The following SCN8A variants were observed in gnomAD, a reference collection of about 807,000 sequenced individuals.
SCN8A encodes the protein sodium voltage-gated channel alpha subunit 8.
In SCN8A, 30 loss-of-function variants were observed where a neutral mutation model predicts 184.1. That is an observed-to-expected ratio of 0.16 (90% CI 0.12 to 0.22). SCN8A has a LOEUF of 0.22. Ranked by LOEUF, SCN8A falls within the 10% of genes least tolerant of loss-of-function variation. The pLI, the probability that SCN8A is intolerant of heterozygous loss-of-function variation, is 1.00. For synonymous variants in SCN8A, 852 were observed against 907.0 expected, an observed-to-expected ratio of 0.94 and a Z score of 1.09; for missense variants, 1,057 against 2,498.9, an observed-to-expected ratio of 0.42 and a Z score of 12.30.
intron 1 of SCN8A, among the ~76,000 whole-genome samples, chr12:51,614,078 G>A (rs1055683538): frequency 6.6e-6 from 1 of 152,052 alleles, no homozygotes; most frequent in Non-Finnish European, 1.5e-5. Context: ...TGATGGTGGT[G>A]TTTAGTTTCT....
At chr12:51,674,810 T>G (rs533333079) in intron 2 of SCN8A, among the ~76,000 whole-genome samples, 1 of 152,332 alleles carries the variant, frequency 6.6e-6, no homozygotes, top group East Asian at 1.9e-4. Flanking sequence ...TATAACAACC[T>G]GATAAAATTG....
intron 6 of SCN8A, among the ~76,000 whole-genome samples, chr12:51,692,204 G>A (rs902501144): frequency 6.6e-6 from 1 of 152,162 alleles, no homozygotes; most frequent in South Asian, 2.1e-4. Context: ...CCTGGAGCCT[G>A]CAAGGTCTCA....
At chr12:51,789,587 C>T (rs1429435674) in intron 24 of SCN8A, among the ~76,000 whole-genome samples, 169 bp downstream of exon 24, 4 of 152,118 alleles carry the variant, frequency 2.6e-5, no homozygotes, top group East Asian at 3.9e-4. Context: ...TCTTTCTGTT[C>T]GGGGCTGGAT....
intron 12 of SCN8A, among the ~76,000 whole-genome samples, chr12:51,736,797 T>G (rs1003310664): frequency 3.3e-5 from 5 of 152,228 alleles, no homozygotes; most frequent in Admixed American, 3.3e-4. Context: ...GAACCACATA[T>G]GAAGAATCAG....
chr12:51,684,258 A>G lies in SCN8A; in HGVS notation c.361A>G (p.Ile121Val). 6.3e-7 allele frequency: 1 copy of G among 1,598,072 alleles called. No homozygotes were observed. Among genetic ancestry groups the G allele is most frequent in the Non-Finnish European group, 8.6e-7 (1 of 1,165,400 alleles). ...GTACATTTTAAGTCCTTTTAACCTG[A>G]TAAGAAGAATAGCTATTAAAATTTT... is the stretch of plus-strand genomic sequence containing the variant. The part of the protein sequence containing the change: ...ALYILSPFNL[I>V]RRIAIKILIH... The change falls in exon 3 of 27, where the codon ATA (isoleucine) becomes GTA (valine). Residue 121 changes from isoleucine to valine, a missense_variant. Physicochemically the swap from Ile to Val is conservative, Grantham distance 29. Around this residue, in one of 19 missense-constraint regions of SCN8A, gnomAD observed 66 missense variants for 276.4 expected, o/e 0.24. Transcript: ENST00000627620.
intron 1 of SCN8A, among the ~76,000 whole-genome samples, chr12:51,615,364 G>A (rs1002491872): frequency 1.3e-5 from 2 of 152,104 alleles, no homozygotes. Context: ...AGACTAGCCT[G>A]AGCAACATGG....
At chr12:51,722,062 C>G in intron 12 of SCN8A, 154 bp downstream of exon 12, 5 of 1,188,856 alleles carry the variant, frequency 4.2e-6, no homozygotes, top group Non-Finnish European at 6.0e-6. Context: ...TGTTAACACC[C>G]CAGCCATTTC....
chr12:51,770,075 C>A, intron 18 of SCN8A, 90 bp downstream of exon 18: 1 of 837,140 alleles, frequency 1.2e-6, no homozygotes, highest in Non-Finnish European at 1.9e-6. Flanking sequence ...TGAGGGGCAG[C>A]TCAGTGGCTA....
At chr12:51,770,412 C>G (rs924745956) in intron 18 of SCN8A, 117 bp from the exon 19 acceptor site, 2 of 1,148,550 alleles carry the variant, frequency 1.7e-6, no homozygotes, top group Non-Finnish European at 2.4e-6. Flanking sequence ...GATTCAGCCA[C>G]TGTCCTCCTG....
rs1938937561 is a variant in SCN8A at position 51,812,325 on chromosome 12, T to G, written c.*4896T>G. Reference sequence around the variant, plus strand: ...CCCTAGCTTGACCGCTGGCTCGCTGTGTGGCCTTGGGCAAGTCACTTAACC... The same window carrying G: ...CCCTAGCTTGACCGCTGGCTCGCTGGGTGGCCTTGGGCAAGTCACTTAACC... On this transcript the variant is annotated 3_prime_UTR_variant, in exon 27 of 27. Transcript: ENST00000627620. 6.3e-6 allele frequency: 1 copy of G among 158,616 alleles called. No individual in the cohort carries two copies. Among genetic ancestry groups the G allele is most frequent in the Non-Finnish European group, 1.4e-5 (1 of 72,458 alleles). The allele number at this position is 158,616 out of a possible 1,614,324, so 9.8% of individuals were successfully genotyped here.
rs114780544 is a variant in SCN8A, at chr12:51,633,011, T to C, written c.-54-29753T>C. On this transcript the variant is annotated intron_variant, in intron 1 of 26. Coordinates refer to ENST00000627620, the MANE Select transcript of SCN8A (RefSeq NM_001330260.2). ...AATAAGAATAATAACAACATCTGCC[T>C]GCTCTGGGTTATTTTGAGATTCAAA... 9.6e-3 allele frequency among the ~76,000 whole-genome samples: 1,467 copies of C among 152,308 alleles called. 19 individuals are homozygous for C. Among genetic ancestry groups the C allele is most frequent in the African/African-American group, 0.034 (1,403 of 41,560 alleles).
At chr12:51,794,884 GA>G (rs987820898) in intron 26 of SCN8A, among the ~76,000 whole-genome samples, 2 of 149,390 alleles carry the variant, frequency 1.3e-5, no homozygotes, top group Non-Finnish European at 3.0e-5. Flanking sequence ...AGGGAAAAAA[GA>G]AAAAAAAAGA....
intron 1 of SCN8A, among the ~76,000 whole-genome samples, chr12:51,601,723 G>A (rs554095254): frequency 3.4e-5 from 5 of 149,066 alleles, no homozygotes; most frequent in Middle Eastern, 3.4e-3. Context: ...CTTTCACCTC[G>A]CACTTCTCCA....
At chr12:51,794,768 C>A in intron 26 of SCN8A, 127 bp downstream of exon 26, 1 of 881,698 alleles carries the variant, frequency 1.1e-6, no homozygotes, top group Non-Finnish European at 1.7e-6. Flanking sequence ...TAGCTTAAGT[C>A]CATGTGTGCC....
chr12:51,741,561 T>G (rs1033580577), intron 12 of SCN8A, among the ~76,000 whole-genome samples: 1 of 152,222 alleles, frequency 6.6e-6, no homozygotes, highest in Non-Finnish European at 1.5e-5. Context: ...TTCCTTGTCT[T>G]CCCCTTAGTG....
At chr12:51,604,900 G>C (rs1939553156) in intron 1 of SCN8A, among the ~76,000 whole-genome samples, 1 of 151,962 alleles carries the variant, frequency 6.6e-6, no homozygotes, top group African/African-American at 2.4e-5. Flanking sequence ...TGTATAGATA[G>C]ATTACATATC....
intron 2 of SCN8A, among the ~76,000 whole-genome samples, chr12:51,680,240 G>A (rs1478760660): frequency 2.0e-5 from 3 of 152,124 alleles, no homozygotes; most frequent in African/African-American, 4.8e-5. Flanking sequence ...AGGGGTGATG[G>A]TAAATGAGTT....
At chr12:51,763,704 G>A (rs759422610) in intron 15 of SCN8A, among the ~76,000 whole-genome samples, 8 of 152,142 alleles carry the variant, frequency 5.3e-5, no homozygotes, top group Non-Finnish European at 1.0e-4. Flanking sequence ...AAACATAAGC[G>A]TAAGTGATAT....
chr12:51,598,645 G>A (rs1282524651), intron 1 of SCN8A, among the ~76,000 whole-genome samples: 2 of 151,988 alleles, frequency 1.3e-5, no homozygotes, highest in Non-Finnish European at 2.9e-5. Context: ...TTTAACAGAG[G>A]CACAAAATTC....
Sources: allele counts gnomAD v4.1 joint callset (sites outside exome capture counted in the v4.1 genomes callset), GRCh38; gene constraint gnomAD v4.1.1; regional missense constraint gnomAD v4.1.1; transcripts MANE v1.5; gene names NCBI Gene and HGNC (gene_info 2026-07-23, HGNC 2026-07-21).